MGAT4A: variants seen among roughly 807,000 people sequenced by gnomAD.
MGAT4A encodes the protein N-acetylglucosaminyltransferase IVa.
In MGAT4A, 33 loss-of-function variants were observed where a neutral mutation model predicts 74.1. The observed-to-expected ratio is 0.45, with a 90% CI of 0.34 to 0.60. The LOEUF is 0.60. Ranked by LOEUF, MGAT4A falls within the 20% of genes least tolerant of loss-of-function variation. MGAT4A has a pLI of 0.02. For synonymous variants in MGAT4A, 198 were observed against 210.4 expected, an observed-to-expected ratio of 0.94 and a Z score of 0.51; for missense variants, 479 against 628.3, an observed-to-expected ratio of 0.76 and a Z score of 2.54.
intron 2 of MGAT4A, among the ~76,000 whole-genome samples, chr2:98,696,820 T>C (rs571403321): frequency 5.3e-5 from 8 of 152,366 alleles, no homozygotes; most frequent in Admixed American, 6.5e-5. Context: ...CCATTTACTA[T>C]GGCTTTGTAA....
At chr2:98,638,102 A>C (rs1238339782) in intron 12 of MGAT4A, among the ~76,000 whole-genome samples, 1 of 152,234 alleles carries the variant, frequency 6.6e-6, no homozygotes, top group African/African-American at 2.4e-5. Context: ...GTCAAAGACT[A>C]AGAAAAAGAA....
chr2:98,690,140 A>AT (rs1702175240), intron 2 of MGAT4A, among the ~76,000 whole-genome samples: 1 of 152,208 alleles, frequency 6.6e-6, no homozygotes, highest in African/African-American at 2.4e-5. Context: ...ACATGGTCCC[A>AT]TCCCCACTCT....
intron 5 of MGAT4A, among the ~76,000 whole-genome samples, chr2:98,660,457 C>CACACAA (rs1359333265): frequency 1.4e-5 from 2 of 141,766 alleles, no homozygotes; most frequent in East Asian, 2.1e-4. Flanking sequence ...CACACACACA[C>CACACAA]AACAAATAGC....
At chr2:98,631,425 C>T (rs895282260) in intron 14 of MGAT4A, among the ~76,000 whole-genome samples, 8 of 152,210 alleles carry the variant, frequency 5.3e-5, no homozygotes, top group African/African-American at 1.2e-4. Context: ...CAGGCATTTC[C>T]GTCTTCCCAC....
Position 98,624,354 on chromosome 2 carries a change from A to G in MGAT4A, c.*1212T>C, listed in dbSNP as rs1222085087. 1.0e-6 allele frequency: 1 copy of G among 972,648 alleles called. No individual in the cohort carries two copies. The highest frequency in any genetic ancestry group is 1.8e-5 in the African/African-American group (1 of 56,922). The allele number at this position is 972,648 out of a possible 1,614,324, so 60.3% of individuals were successfully genotyped here. ...AAAAGTACTTTTATAAAGATCACTG[A>G]TTGCTGAGACCGGTAATATTCTTTG... is the stretch of plus-strand genomic sequence containing the variant. On this transcript the variant is annotated 3_prime_UTR_variant, in exon 16 of 16. Coordinates refer to ENST00000393487, the MANE Select transcript of MGAT4A (RefSeq NM_012214.3).
Position 98,625,271 on chromosome 2 carries a change from A to C in MGAT4A, c.*295T>G. On this transcript the variant is annotated 3_prime_UTR_variant, in exon 16 of 16. Coordinates refer to ENST00000393487, the MANE Select transcript of MGAT4A (RefSeq NM_012214.3). The stretch of plus-strand genomic sequence containing the variant: ...CATTAGTTTTTCTCAAATTTAAAGA[A>C]TGTAACAATATGTACAACTCTTATG... The C allele has an allele frequency of 9.9e-7, 1 of 1,008,526 alleles. No homozygotes were observed. The allele number at this position is 1,008,526 out of a possible 1,614,324, so 62.5% of individuals were successfully genotyped here. A position where few individuals can be genotyped will look rare whatever the true frequency, so the allele number is the denominator to read the frequency against.
rs1180696853 is a variant in MGAT4A, at chr2:98,703,586, CTG to C, written c.94+22651_94+22652del. On this transcript the variant is annotated intron_variant, in intron 2 of 15. Transcript: ENST00000393487. Reference sequence around the variant, plus strand: ...GAATCTCTGAAAAATGTCAATCAGACTGTGGTACACCCTCGGCATAAAGCTTC... The same window carrying C: ...GAATCTCTGAAAAATGTCAATCAGACTGGTACACCCTCGGCATAAAGCTTC... Among the ~76,000 whole-genome samples the C allele has an allele frequency of 2.6e-5, 4 of 152,186 alleles. No individual in the cohort carries two copies. In the East Asian group the frequency reaches 7.7e-4, roughly 29 times the overall value.
At chr2:98,647,064 A>G (rs1701496598) in intron 8 of MGAT4A, among the ~76,000 whole-genome samples, 1 of 152,264 alleles carries the variant, frequency 6.6e-6, no homozygotes, top group South Asian at 2.1e-4. Context: ...TCTTTATAGA[A>G]GAACTCAACA....
chr2:98,685,238 TAAAAAAAA>T (rs79947111), intron 2 of MGAT4A, among the ~76,000 whole-genome samples: 1 of 133,468 alleles, frequency 7.5e-6, no homozygotes, highest in Non-Finnish European at 1.6e-5. Flanking sequence ...CCCTGTCTCT[TAAAAAAAA>T]AAAAAAAAAA....
chr2:98,725,024 G>A (rs780289407), intron 2 of MGAT4A, among the ~76,000 whole-genome samples: 5 of 152,192 alleles, frequency 3.3e-5, no homozygotes, highest in South Asian at 4.1e-4. Flanking sequence ...GCAGTGAGCC[G>A]AGGTCTTGCC....
intron 14 of MGAT4A, among the ~76,000 whole-genome samples, chr2:98,632,334 A>G (rs1012641915): frequency 4.6e-5 from 7 of 152,112 alleles, no homozygotes; most frequent in Non-Finnish European, 8.8e-5. Flanking sequence ...TAGGGCACCA[A>G]AGAAGCAAGC....
intron 2 of MGAT4A, among the ~76,000 whole-genome samples, chr2:98,704,147 C>G (rs1318548850): frequency 6.6e-6 from 1 of 152,130 alleles, no homozygotes; most frequent in Non-Finnish European, 1.5e-5. Flanking sequence ...AGTACACGCT[C>G]AATAAACACT....
intron 4 of MGAT4A, among the ~76,000 whole-genome samples, chr2:98,667,696 TTTGTTGTTGTTGTTG>T (rs142922685): frequency 2.0e-5 from 3 of 150,270 alleles, no homozygotes; most frequent in Middle Eastern, 6.9e-3. Flanking sequence ...GCATTCAGTT[TTTGTTGTTGTTGTTG>T]TTGTTGTTGT....
Position 98,679,719 on chromosome 2 carries a change from G to A in MGAT4A, c.95-1248C>T, listed in dbSNP as rs188470190. 3.0e-3 allele frequency among the ~76,000 whole-genome samples: 457 copies of A among 152,228 alleles called. 4 individuals are homozygous for A. Among genetic ancestry groups the A allele is most frequent in the Middle Eastern group, 6.8e-3 (2 of 294 alleles). ...CATTTGAATAATTTGAGAGAATCAC[G>A]CGTCAAAAAAACCTGGTCTAGGAAA... On this transcript the variant is annotated intron_variant, in intron 2 of 15. Transcript: ENST00000393487.
chr2:98,633,409 T>A (rs1466497348), intron 14 of MGAT4A, among the ~76,000 whole-genome samples: 1 of 152,196 alleles, frequency 6.6e-6, no homozygotes, highest in Admixed American at 6.5e-5. Flanking sequence ...TCTGGGAGAT[T>A]CTCATGAATA....
rs554593202 is a variant in MGAT4A at position 98,676,486 on chromosome 2, G to C, written c.263-1311C>G. ...TTTTATTCCAGCAAATGTATCATTT[G>C]TTCAAAAATGAAGTCATCAAAACAC... On this transcript the variant is annotated intron_variant, in intron 3 of 15. Coordinates refer to ENST00000393487, the MANE Select transcript of MGAT4A (RefSeq NM_012214.3). Among the ~76,000 whole-genome samples the C allele has an allele frequency of 5.9e-5, 9 of 152,178 alleles. No individual in the cohort carries two copies. The South Asian group carries it at 1.9e-3, about 32-fold the overall frequency.
intron 2 of MGAT4A, among the ~76,000 whole-genome samples, chr2:98,704,336 C>G (rs761237578): frequency 6.6e-6 from 1 of 152,216 alleles, no homozygotes. Flanking sequence ...TGCTTGAACT[C>G]AGGAGTTTGA....
At chr2:98,629,634 A>G (rs148874481) in intron 14 of MGAT4A, among the ~76,000 whole-genome samples, 166 of 152,348 alleles carry the variant, frequency 1.1e-3, no homozygotes, top group African/African-American at 3.8e-3. Context: ...TACATACACT[A>G]CCGCAAAAGA....
chr2:98,678,529 T>A, intron 2 of MGAT4A, 58 bp from the exon 3 acceptor site: 1 of 1,170,362 alleles, frequency 8.5e-7, no homozygotes, highest in Admixed American at 2.5e-5. Context: ...AACAATATAA[T>A]CTCAATGGAA....
Sources: gnomAD v4.1 joint callset for allele counts (sites outside exome capture counted in the v4.1 genomes callset) on GRCh38, gnomAD v4.1.1 for gene constraint, MANE v1.5 for transcripts, NCBI Gene and HGNC (gene_info 2026-07-23, HGNC 2026-07-21) for gene names.